The following KLHDC4 variants were observed in gnomAD, a reference collection of about 807,000 sequenced individuals.
The protein encoded by KLHDC4 is kelch domain containing 4.
KLHDC4 carries 90 observed loss-of-function variants against 62.4 expected under a neutral mutation model. That is an observed-to-expected ratio of 1.44 (90% CI 1.22 to 1.72). The LOEUF (loss-of-function observed/expected upper bound fraction) is 1.72. Among genes scored for constraint, KLHDC4 ranks in the 40% most tolerant of loss-of-function variants. The pLI is 0.00. For missense variants in KLHDC4, 1,025 were observed against 699.7 expected, an observed-to-expected ratio of 1.47 and a Z score of -5.25; for synonymous variants, 386 against 284.4, an observed-to-expected ratio of 1.36 and a Z score of -3.59.
chr16:87,705,888 G>A (rs921670960), downstream of KLHDC4, among the ~76,000 whole-genome samples: 3 of 152,234 alleles, frequency 2.0e-5, no homozygotes, highest in African/African-American at 4.8e-5. Flanking sequence ...GTGAGGAAAG[G>A]ACCTTGATTG....
intron 4 of KLHDC4, among the ~76,000 whole-genome samples, chr16:87,752,464 G>A (rs2044162119): frequency 6.6e-6 from 1 of 151,688 alleles, no homozygotes; most frequent in South Asian, 2.1e-4. Context: ...AGCCTCCTGA[G>A]TAGCTGGGAT....
At chr16:87,711,564 G>A in intron 8 of KLHDC4, 121 bp from the exon 9 acceptor site, 1 of 788,106 alleles carries the variant, frequency 1.3e-6, no homozygotes, top group Non-Finnish European at 2.0e-6. Context: ...CCGTGAGACT[G>A]TGGGCAAAAA....
At position 87,757,067 on chromosome 16, in the gene KLHDC4, G is replaced by A. The variant is rs373793322; in HGVS notation, c.192-590C>T. Among the ~76,000 whole-genome samples the A allele has an allele frequency of 8.6e-5, 13 of 151,878 alleles. No individual in the cohort carries two copies. The East Asian group carries it at 2.0e-3, about 23-fold the overall frequency. On this transcript the variant is annotated intron_variant, in intron 2 of 11. Transcript: ENST00000270583. ...GGACCTCAAGTGATCTGCCCACCTC[G>A]GCCTCCCACAGTGCTGGGATTACAG...
Position 87,719,637 on chromosome 16 carries a change from T to C in KLHDC4, c.760-5064A>G, listed in dbSNP as rs1385562346. Among the ~76,000 whole-genome samples the C allele has an allele frequency of 2.0e-4, 29 of 143,550 alleles. 1 individual carries two copies. The highest frequency in any genetic ancestry group is 3.0e-4 in the Non-Finnish European group (20 of 66,334). The allele number at this position is 143,550 out of a possible 152,430, so 94.2% of individuals were successfully genotyped here. Reference sequence around the variant, plus strand: ...CCTATGACCCAGCCAAATCCCCCTCTCCGAGAAACACCCAAGAATGATCAA... The same window carrying C: ...CCTATGACCCAGCCAAATCCCCCTCCCCGAGAAACACCCAAGAATGATCAA... On this transcript the variant is annotated intron_variant, in intron 7 of 11. Coordinates refer to ENST00000270583, the MANE Select transcript of KLHDC4 (RefSeq NM_017566.4).
At chr16:87,752,383 T>C (rs1413811113) in intron 4 of KLHDC4, among the ~76,000 whole-genome samples, 1 of 148,392 alleles carries the variant, frequency 6.7e-6, no homozygotes, top group Admixed American at 6.8e-5. Context: ...GTCACCAGGC[T>C]GGAGTGCAGT....
intron 10 of KLHDC4, 67 bp from the exon 11 acceptor site, chr16:87,708,533 C>T (rs1238535962): frequency 2.2e-5 from 27 of 1,223,818 alleles, no homozygotes; most frequent in African/African-American, 3.0e-5. Flanking sequence ...GGCTGCGGGA[C>T]GGTGGTGGCT....
At chr16:87,756,515 C>T (rs1449443925) in intron 2 of KLHDC4, 38 bp from the exon 3 acceptor site, 1 of 1,483,200 alleles carries the variant, frequency 6.7e-7, no homozygotes, top group African/African-American at 1.4e-5. Context: ...CAAGATCACC[C>T]CCGATACCCA....
At chr16:87,718,174 C>A (rs182298548) in intron 7 of KLHDC4, among the ~76,000 whole-genome samples, 1 of 152,218 alleles carries the variant, frequency 6.6e-6, no homozygotes, top group Non-Finnish European at 1.5e-5. Flanking sequence ...TAACAGACAA[C>A]GGCCTTGTTG....
rs1043767676 is a variant in KLHDC4 at position 87,765,653 on chromosome 16, G to T, written c.99+139C>A. 46 of 755,522 alleles carry T rather than the reference G, an allele frequency of 6.1e-5. No homozygotes were observed. The African/African-American group carries it at 6.7e-4, about 11-fold the overall frequency. 46.8% of individuals were successfully genotyped at this position (755,522 alleles called of 1,614,324 possible). On this transcript the variant is annotated intron_variant, in intron 1 of 11. Transcript: ENST00000270583. ...TGGGCTGCCCGGACGCGGCGCCGGG[G>T]CAGTTCCTACGGCCTCCAGCTCTCC...
In KLHDC4 at chr16:87,708,386, C is replaced by T. The variant is rs141121474; in HGVS notation, c.1528G>A (p.Glu510Lys). 260 of 1,610,854 alleles carry T rather than the reference C, an allele frequency of 1.6e-4. No homozygotes were observed. The African/African-American group carries it at 2.0e-3, about 13-fold the overall frequency. Residue 510 changes from glutamate to lysine, a missense_variant, in exon 11 of 12, where the codon GAA becomes AAA. Transcript: ENST00000270583. ...GCACCGCTCTCCTCTCCGCTGTCTT[C>T]GTCGTCGACCCCACCCTCGGCGCCC... The part of the protein sequence containing the change: ...VEGAEGGVDD[E>K]DSGEESGAED
intron 5 of KLHDC4, among the ~76,000 whole-genome samples, chr16:87,744,117 A>G (rs1364135659): frequency 3.9e-5 from 6 of 151,994 alleles, no homozygotes; most frequent in Admixed American, 3.9e-4. Flanking sequence ...TGTCTCTACT[A>G]AAAATACAAA....
At chr16:87,707,670 G>A (rs1474945748), downstream of KLHDC4, 3 of 197,660 alleles carry the variant, frequency 1.5e-5, no homozygotes, top group African/African-American at 7.0e-5. Context: ...ACAGAAACCT[G>A]CTTCTCGAGG....
chr16:87,702,009 G>A (rs1332725649), exon 1 of KLHDC4: 1 of 456,324 alleles, frequency 2.2e-6, no homozygotes, highest in Non-Finnish European at 4.4e-6. Flanking sequence ...CCAGCAGCCA[G>A]GCAGCTCCTT....
intron 7 of KLHDC4, among the ~76,000 whole-genome samples, chr16:87,718,727 C>G (rs1378291091): frequency 6.7e-6 from 1 of 149,312 alleles, no homozygotes; most frequent in African/African-American, 2.5e-5. Flanking sequence ...GGCTGCCCAG[C>G]CTGGGAAGTG....
chr16:87,708,502 G>A (rs776728694), intron 10 of KLHDC4, 36 bp from the exon 11 acceptor site: 77 of 1,494,810 alleles, frequency 5.2e-5, no homozygotes, highest in East Asian at 2.8e-4. Context: ...ACACGTCAGC[G>A]CAGCTGAGGC....
chr16:87,734,636 T>G (rs1008927060), intron 5 of KLHDC4, among the ~76,000 whole-genome samples: 2 of 152,120 alleles, frequency 1.3e-5, no homozygotes, highest in African/African-American at 4.8e-5. Flanking sequence ...AGCAATCAGT[T>G]CCTTTTTCTA....
In KLHDC4 at chr16:87,709,673, A is replaced by T; in HGVS notation, c.1045-6T>A. 6.3e-7 allele frequency: 1 copy of T among 1,580,546 alleles called. No individual in the cohort carries two copies. The highest frequency in any genetic ancestry group is 8.6e-7 in the Non-Finnish European group (1 of 1,161,756). ...TTCTTTTCAGACTTGGGTCCCTATT[A>T]ATAGACCGAGGAAGCAGAGAGCAGC... On this transcript the variant is annotated splice_region_variant and splice_polypyrimidine_tract_variant and intron_variant, in intron 9 of 11. Transcript: ENST00000270583.
intron 7 of KLHDC4, among the ~76,000 whole-genome samples, chr16:87,717,827 T>C (rs1468043896): frequency 6.6e-6 from 1 of 152,244 alleles, no homozygotes; most frequent in Non-Finnish European, 1.5e-5. Flanking sequence ...TGTCTCCTTG[T>C]AGTACCCTGC....
rs575242768 is a variant in KLHDC4, at chr16:87,742,339, G to A, written c.506+6334C>T. Among the ~76,000 whole-genome samples the A allele has an allele frequency of 1.8e-4, 28 of 152,206 alleles. No homozygotes were observed. The South Asian group carries it at 5.0e-3, about 27-fold the overall frequency. ...TCAGAGCCTGACCTGCCAAACCACCGTTAAGAGAATGCTTTCATTCTGCAA... is the reference window on the plus strand; with the variant it reads ...TCAGAGCCTGACCTGCCAAACCACCATTAAGAGAATGCTTTCATTCTGCAA... On this transcript the variant is annotated intron_variant, in intron 5 of 11. Coordinates refer to ENST00000270583, the MANE Select transcript of KLHDC4 (RefSeq NM_017566.4).
Sources: gnomAD v4.1 joint callset for allele counts (sites outside exome capture counted in the v4.1 genomes callset) on GRCh38, gnomAD v4.1.1 for gene constraint, MANE v1.5 for transcripts, NCBI Gene and HGNC (gene_info 2026-07-23, HGNC 2026-07-21) for gene names.